Variants in KASH5 observed in about 807,000 individuals in gnomAD.
KASH5 encodes the protein KASH domain containing 5.
KASH5 carries 72 observed loss-of-function variants against 84.2 expected under a neutral mutation model. That is an observed-to-expected ratio of 0.85 (90% CI 0.71 to 1.04). The LOEUF (loss-of-function observed/expected upper bound fraction) is 1.04, where lower values mean the gene tolerates loss of function less well. Among genes scored for constraint, KASH5 ranks in the 50% least tolerant of loss-of-function variants. KASH5 has a pLI of 0.00. For missense variants in KASH5, 650 were observed against 701.0 expected, an observed-to-expected ratio of 0.93 and a Z score of 0.82; for synonymous variants, 260 against 279.1, an observed-to-expected ratio of 0.93 and a Z score of 0.68.
intron 12 of KASH5, 116 bp downstream of exon 12, chr19:49,407,787 TC>T: frequency 1.0e-6 from 1 of 984,580 alleles, no homozygotes; most frequent in Non-Finnish European, 1.6e-6. Flanking sequence ...TCTTGCTTCT[TC>T]CATCCTTGAT....
Position 49,414,295 on chromosome 19 carries a change from C to T in KASH5, c.1329-656C>T, listed in dbSNP as rs368048388. ...GCTAACCCCTCAGGGCTCTTCCAGT[C>T]CTCCTGGAAGAGGGTCTTGCACCTA... is the stretch of plus-strand genomic sequence containing the variant. On this transcript the variant is annotated intron_variant, in intron 16 of 19. Coordinates refer to ENST00000447857, the MANE Select transcript of KASH5 (RefSeq NM_144688.5). The surrounding 1 kb of genome is among the most constrained non-coding windows in gnomAD (Gnocchi z 4.5). Among the ~76,000 whole-genome samples, 10 of 152,174 alleles carry T rather than the reference C, an allele frequency of 6.6e-5. No homozygotes were observed. In the East Asian group the frequency reaches 1.4e-3, roughly 21 times the overall value.
rs766162301 is a variant in KASH5, at chr19:49,406,875, CCTT to C, written c.799-5_799-3del. 1 of 1,601,236 alleles carries C rather than the reference CCTT, an allele frequency of 6.2e-7. No individual in the cohort carries two copies. Among genetic ancestry groups the C allele is most frequent in the Non-Finnish European group, 8.5e-7 (1 of 1,173,802 alleles). Reference sequence around the variant, plus strand: ...GCTGGAATGAACGTGACCAGCCATTCCTTCTTCTAGAACGGGAAGCTGCTTGCC... The same window carrying C: ...GCTGGAATGAACGTGACCAGCCATTCCTTCTAGAACGGGAAGCTGCTTGCC... On this transcript the variant is annotated splice_region_variant and splice_polypyrimidine_tract_variant and intron_variant, in intron 9 of 19. Coordinates refer to ENST00000447857, the MANE Select transcript of KASH5 (RefSeq NM_144688.5).
intron 2 of KASH5, among the ~76,000 whole-genome samples, chr19:49,392,674 G>A (rs1012434087): frequency 6.6e-6 from 1 of 152,134 alleles, no homozygotes; most frequent in Admixed American, 6.5e-5. Context: ...CACTTTGCGA[G>A]GCCAAGGTGG....
intron 6 of KASH5, 128 bp downstream of exon 6, chr19:49,397,845 A>G (rs1974232025): frequency 1.4e-6 from 2 of 1,441,638 alleles, no homozygotes; most frequent in African/African-American, 1.4e-5. Flanking sequence ...CTGAAAGTTC[A>G]GGGAGAGCAG....
Position 49,395,126 on chromosome 19 carries a change from G to A in KASH5, c.169G>A (p.Val57Met), listed in dbSNP as rs754942024. The A allele has an allele frequency of 1.2e-6, 2 of 1,609,832 alleles. No individual in the cohort carries two copies. Among genetic ancestry groups the A allele is most frequent in the Non-Finnish European group, 1.7e-6 (2 of 1,178,984 alleles). The change falls in exon 4 of 20, where the codon GTG (valine) becomes ATG (methionine). Residue 57 changes from valine (V) to methionine (M), a missense_variant. Val to Met is a conservative substitution (Grantham distance 21). Coordinates refer to ENST00000447857, the MANE Select transcript of KASH5 (RefSeq NM_144688.5). This position sits in a 1 kb window ranked among gnomAD's most constrained non-coding sequence, Gnocchi z 4.4. The part of the protein sequence containing the change: ...QRTGTVAVAQ[V>M]LAYLEAVTGQ... ...CACAGGCACTGTGGCTGTGGCCCAG[G>A]TGCTGGCCTACCTGGAGGCTGTGAC...
intron 12 of KASH5, 97 bp downstream of exon 12, chr19:49,407,768 G>C (rs1175204901): frequency 4.1e-6 from 5 of 1,207,180 alleles, no homozygotes; most frequent in Non-Finnish European, 4.8e-6. Flanking sequence ...CTCTTTGTCA[G>C]TGGCCACATC....
intron 15 of KASH5, among the ~76,000 whole-genome samples, chr19:49,411,913 A>G (rs1974722680): frequency 7.5e-6 from 1 of 132,512 alleles, no homozygotes; most frequent in Non-Finnish European, 1.6e-5. Flanking sequence ...GGAGGGAGGG[A>G]AGGAGGGAAG....
chr19:49,397,747 T>TCCTGCCCACAC (rs1974228218), intron 6 of KASH5, 30 bp downstream of exon 6: 1 of 1,608,730 alleles, frequency 6.2e-7, no homozygotes, highest in African/African-American at 1.3e-5. Flanking sequence ...TCCCTGACCC[T>TCCTGCCCACAC]CCTGCCCACA....
chr19:49,411,759 A>G (rs1974716271), intron 15 of KASH5, among the ~76,000 whole-genome samples: 3 of 152,192 alleles, frequency 2.0e-5, no homozygotes, highest in Admixed American at 2.0e-4. Flanking sequence ...GCCCCAGTGC[A>G]GAATGATCAT....
chr19:49,397,798 GGAT>G, intron 6 of KASH5, 81 bp downstream of exon 6: 2 of 1,525,072 alleles, frequency 1.3e-6, no homozygotes, highest in Non-Finnish European at 1.8e-6. Context: ...GTAGGGCTTG[GGAT>G]CCTTCAGGGA....
chr19:49,399,292 G>C lies in KASH5; in HGVS notation c.747+150G>C, dbSNP rs16981257. 8.5e-3 allele frequency: 7,988 copies of C among 943,738 alleles called. 405 individuals carry two copies. In the African/African-American group the frequency reaches 0.11, roughly 14 times the overall value. The allele number at this position is 943,738 out of a possible 1,614,324, so 58.5% of individuals were successfully genotyped here. Reference sequence around the variant, plus strand: ...CCCTGCTCACCCTAGACTTTTTCAAGCTTACCTGCCATCCTTCTCATGACA... The same window carrying C: ...CCCTGCTCACCCTAGACTTTTTCAACCTTACCTGCCATCCTTCTCATGACA... On this transcript the variant is annotated intron_variant, in intron 8 of 19. Coordinates refer to ENST00000447857, the MANE Select transcript of KASH5 (RefSeq NM_144688.5). The surrounding 1 kb of genome is among the most constrained non-coding windows in gnomAD (Gnocchi z 4.4).
At chr19:49,401,908 A>C (rs1974371833) in intron 9 of KASH5, among the ~76,000 whole-genome samples, 1 of 152,244 alleles carries the variant, frequency 6.6e-6, no homozygotes, top group African/African-American at 2.4e-5. Flanking sequence ...CATGGAATGC[A>C]GCAGGATGTG....
intron 9 of KASH5, among the ~76,000 whole-genome samples, chr19:49,400,760 C>T (rs1202436352): frequency 2.0e-5 from 3 of 152,162 alleles, no homozygotes; most frequent in Non-Finnish European, 2.9e-5. Flanking sequence ...GACAGCATTT[C>T]ACTGAGGGAC....
intron 1 of KASH5, among the ~76,000 whole-genome samples, chr19:49,388,767 G>T (rs1973895635): frequency 6.6e-6 from 1 of 151,046 alleles, no homozygotes; most frequent in Non-Finnish European, 1.5e-5. Flanking sequence ...TCTTATAGTT[G>T]ACCCCCGAAA....
At position 49,395,088 on chromosome 19, in the gene KASH5, C is replaced by G; in HGVS notation, c.149-18C>G. ...TCCCCACCTGCCCCAGACCCCCTCA[C>G]TGCATGCTCTGTCACAGGCACTGTG... On this transcript the variant is annotated intron_variant, in intron 3 of 19. Transcript: ENST00000447857. This position sits in a 1 kb window ranked among gnomAD's most constrained non-coding sequence, Gnocchi z 4.4. The G allele has an allele frequency of 6.3e-7, 1 of 1,590,962 alleles. No homozygotes were observed. Among genetic ancestry groups the G allele is most frequent in the Non-Finnish European group, 8.5e-7 (1 of 1,172,672 alleles).
chr19:49,407,321 GAT>G (rs1974559077), intron 11 of KASH5, 25 bp downstream of exon 11: 1 of 1,612,234 alleles, frequency 6.2e-7, no homozygotes, highest in Non-Finnish European at 8.5e-7. Context: ...GAGGGAAAGA[GAT>G]TCGCTTTCCA....
At chr19:49,400,187 C>T (rs1974315711) in intron 9 of KASH5, among the ~76,000 whole-genome samples, 2 of 132,280 alleles carry the variant, frequency 1.5e-5, no homozygotes, top group Admixed American at 8.9e-5. Flanking sequence ...AAGATTGCAT[C>T]ATGGCATTCC....
intron 9 of KASH5, among the ~76,000 whole-genome samples, chr19:49,405,385 A>T (rs562821635): frequency 6.6e-6 from 1 of 151,020 alleles, no homozygotes; most frequent in African/African-American, 2.4e-5. Flanking sequence ...TGAACCTGGA[A>T]GGCGGAGGTT....
rs34486765 is a variant in KASH5 at position 49,412,654 on chromosome 19, G to A, written c.1270-314G>A. 0.15 allele frequency among the ~76,000 whole-genome samples: 22,555 copies of A among 152,170 alleles called. 2,102 individuals are homozygous for A. Among genetic ancestry groups the A allele is most frequent in the South Asian group, 0.25 (1,201 of 4,818 alleles). ...TCCTCTGGGACCCAGATAAGTGTACGAGATCTGTGGAACATCCAGGAAGTT... is the reference window on the plus strand; with the variant it reads ...TCCTCTGGGACCCAGATAAGTGTACAAGATCTGTGGAACATCCAGGAAGTT... On this transcript the variant is annotated intron_variant, in intron 15 of 19. Transcript: ENST00000447857. The surrounding 1 kb of genome is among the most constrained non-coding windows in gnomAD (Gnocchi z 4.6).
Sources: allele counts gnomAD v4.1 joint callset (sites outside exome capture counted in the v4.1 genomes callset), GRCh38; gene constraint gnomAD v4.1.1; non-coding constraint Gnocchi (gnomAD v3.1); transcripts MANE v1.5; gene names NCBI Gene and HGNC (gene_info 2026-07-23, HGNC 2026-07-21).